LHPP: variants seen among roughly 807,000 people sequenced by gnomAD.
The protein encoded by LHPP is phospholysine phosphohistidine inorganic pyrophosphate phosphatase.
A neutral mutation model predicts 30.3 loss-of-function variants in LHPP; 24 were observed. The ratio of observed to expected loss-of-function variants is 0.79; its 90% confidence interval spans 0.57 to 1.11. The LOEUF (loss-of-function observed/expected upper bound fraction) is 1.11. LHPP is among the 50% of genes most tolerant of loss of function. The pLI is 0.00. For missense variants in LHPP, 356 were observed against 367.2 expected, an observed-to-expected ratio of 0.97 and a Z score of 0.25; for synonymous variants, 150 against 157.1, an observed-to-expected ratio of 0.95 and a Z score of 0.34.
At chr10:124,544,683 C>A (rs866628765) in intron 6 of LHPP, among the ~76,000 whole-genome samples, 1 of 152,230 alleles carries the variant, frequency 6.6e-6, no homozygotes, top group Non-Finnish European at 1.5e-5. Flanking sequence ...GCACAAGCCT[C>A]GGCTCTGTGG....
At chr10:124,603,525 C>T (rs1462057965) in intron 6 of LHPP, among the ~76,000 whole-genome samples, 1 of 152,060 alleles carries the variant, frequency 6.6e-6, no homozygotes, top group African/African-American at 2.4e-5. Context: ...CCCAGAGAGG[C>T]CCAGGATGAG....
intron 6 of LHPP, among the ~76,000 whole-genome samples, chr10:124,585,168 A>G (rs969691675): frequency 6.6e-6 from 1 of 152,232 alleles, no homozygotes; most frequent in South Asian, 2.1e-4. Context: ...TAGTGTTCAC[A>G]ATATAAACTA....
At chr10:124,481,391 T>TTTTTTG (rs1564776208) in intron 1 of LHPP, among the ~76,000 whole-genome samples, 1 of 140,786 alleles carries the variant, frequency 7.1e-6, no homozygotes. Context: ...TTTTTTTTTT[T>TTTTTTG]TTTGCGACAG....
At chr10:124,544,568 C>T (rs1955285448) in intron 6 of LHPP, among the ~76,000 whole-genome samples, 1 of 152,202 alleles carries the variant, frequency 6.6e-6, no homozygotes, top group South Asian at 2.1e-4. Context: ...GACCCGAATC[C>T]ACCTCTGGGC....
At chr10:124,595,360 G>T (rs1436278612) in intron 6 of LHPP, among the ~76,000 whole-genome samples, 1 of 152,230 alleles carries the variant, frequency 6.6e-6, no homozygotes, top group Non-Finnish European at 1.5e-5. Context: ...CACACAGCAG[G>T]CACCTCAGAG....
intron 6 of LHPP, among the ~76,000 whole-genome samples, chr10:124,609,930 T>G (rs1052660238): frequency 6.6e-6 from 1 of 152,246 alleles, no homozygotes; most frequent in Non-Finnish European, 1.5e-5. Flanking sequence ...CTTTTGCTAT[T>G]GCAACTAAAG....
rs893396962 is a variant in LHPP at position 124,478,490 on chromosome 10, C to T, written c.126-5649C>T. 6.6e-6 allele frequency among the ~76,000 whole-genome samples: 1 copy of T among 152,200 alleles called. No homozygotes were observed. The highest frequency in any genetic ancestry group is 1.5e-5 in the Non-Finnish European group (1 of 68,024). On this transcript the variant is annotated intron_variant, in intron 1 of 6. Coordinates refer to ENST00000368842, the MANE Select transcript of LHPP (RefSeq NM_022126.4). The surrounding 1 kb of genome is among the most constrained non-coding windows in gnomAD (Gnocchi z 4.7). ...TCCAGCCTCAGGACCCTCGGCGGTC[C>T]CCAGAGGGCTAGCTATTGAGCTGTC...
At chr10:124,553,334 G>T (rs1277965142) in intron 6 of LHPP, among the ~76,000 whole-genome samples, 2 of 152,150 alleles carry the variant, frequency 1.3e-5, no homozygotes, top group Non-Finnish European at 2.9e-5. Flanking sequence ...AGCATATGGG[G>T]CTTTCCTCCT....
At chr10:124,516,881 A>G (rs1314952561) in intron 5 of LHPP, among the ~76,000 whole-genome samples, 3 of 152,194 alleles carry the variant, frequency 2.0e-5, no homozygotes, top group South Asian at 2.1e-4. Context: ...AGCAGAGGCC[A>G]GACAGCGTTC....
At chr10:124,513,576 T>G (rs1033452474) in intron 5 of LHPP, among the ~76,000 whole-genome samples, 2 of 149,090 alleles carry the variant, frequency 1.3e-5, no homozygotes, top group East Asian at 3.9e-4. Context: ...GCAATTCGTG[T>G]GCCTCAGCCT....
At chr10:124,544,473 T>C (rs548099579) in intron 6 of LHPP, among the ~76,000 whole-genome samples, 1 of 152,242 alleles carries the variant, frequency 6.6e-6, no homozygotes, top group African/African-American at 2.4e-5. Context: ...TCCCAACAAG[T>C]ATGGGGCATT....
intron 6 of LHPP, among the ~76,000 whole-genome samples, chr10:124,556,847 T>C (rs1351706130): frequency 1.3e-5 from 2 of 152,206 alleles, no homozygotes; most frequent in Non-Finnish European, 2.9e-5. Flanking sequence ...TCTCAGTCTT[T>C]TTTGTATGTT....
At position 124,596,018 on chromosome 10, in the gene LHPP, G is replaced by C. The variant is rs1318417921; in HGVS notation, c.717-17246G>C. Among the ~76,000 whole-genome samples the C allele has an allele frequency of 2.0e-5, 3 of 152,128 alleles. No individual in the cohort carries two copies. The highest frequency in any genetic ancestry group is 7.2e-5 in the African/African-American group (3 of 41,424). ...CCGTCTTCTGCCTGACGGTAAACTT[G>C]AGGTGAATGGGCTCCTACCCATGAA... On this transcript the variant is annotated intron_variant, in intron 6 of 6. Transcript: ENST00000368842. The surrounding 1 kb of genome is among the most constrained non-coding windows in gnomAD (Gnocchi z 4.6).
chr10:124,597,384 T>G (rs1036109056), intron 6 of LHPP, among the ~76,000 whole-genome samples: 1 of 152,214 alleles, frequency 6.6e-6, no homozygotes, highest in Non-Finnish European at 1.5e-5. Context: ...CTTCAGTTTC[T>G]TTGCCTACTG....
chr10:124,554,128 C>T (rs1948244286), intron 6 of LHPP: 3 of 920,510 alleles, frequency 3.3e-6, no homozygotes, highest in Non-Finnish European at 1.3e-6. Flanking sequence ...CTGGGACGAC[C>T]TGGGCCAGGT....
At chr10:124,470,095 G>T (rs930713240) in intron 1 of LHPP, among the ~76,000 whole-genome samples, 3 of 152,222 alleles carry the variant, frequency 2.0e-5, no homozygotes, top group African/African-American at 7.2e-5. Flanking sequence ...CCCCCCAACA[G>T]GCCCTTTATT....
intron 3 of LHPP, among the ~76,000 whole-genome samples, chr10:124,489,053 A>G (rs1258864198): frequency 1.3e-5 from 2 of 152,146 alleles, no homozygotes; most frequent in East Asian, 3.9e-4. Context: ...TGAAGTTGTG[A>G]TTTTGTGATC....
At chr10:124,483,878 G>C (rs1953227523) in intron 1 of LHPP, among the ~76,000 whole-genome samples, 1 of 152,102 alleles carries the variant, frequency 6.6e-6, no homozygotes, top group Admixed American at 6.6e-5. Flanking sequence ...ACCTCGGGGA[G>C]CCTCAGGTGT....
intron 6 of LHPP, among the ~76,000 whole-genome samples, chr10:124,561,081 T>G (rs1589865934): frequency 6.6e-6 from 1 of 152,168 alleles, no homozygotes; most frequent in South Asian, 2.1e-4. Flanking sequence ...CCTTTGTGCC[T>G]TGCACATCTC....
Sources: gnomAD v4.1 joint callset for allele counts (sites outside exome capture counted in the v4.1 genomes callset) on GRCh38, gnomAD v4.1.1 for gene constraint, Gnocchi (gnomAD v3.1) non-coding constraint, MANE v1.5 for transcripts, NCBI Gene and HGNC (gene_info 2026-07-23, HGNC 2026-07-21) for gene names.